The following LDLRAD3 variants were observed in gnomAD, a reference collection of about 807,000 sequenced individuals.
The protein encoded by LDLRAD3 is low density lipoprotein receptor class A domain containing 3, also known as low-density lipoprotein receptor class A domain-containing protein 3.
Under a neutral mutation model 29.4 loss-of-function variants are expected in LDLRAD3, and 20 were observed. The observed-to-expected ratio is 0.68, with a 90% CI of 0.48 to 0.99. The LOEUF (loss-of-function observed/expected upper bound fraction) is 0.99, where lower values mean the gene tolerates loss of function less well. LDLRAD3 is among the 50% of genes least tolerant of loss of function. The pLI, the probability that LDLRAD3 is intolerant of heterozygous loss-of-function variation, is 0.00. For synonymous variants in LDLRAD3, 157 were observed against 192.7 expected (o/e 0.81, Z 1.53); for missense variants, 420 against 454.3 (o/e 0.92, Z 0.69).
chr11:36,172,490 G>T (rs541260393), intron 4 of LDLRAD3, among the ~76,000 whole-genome samples: 47 of 151,934 alleles, frequency 3.1e-4, no homozygotes, highest in African/African-American at 1.1e-3. Flanking sequence ...TTACATTAAG[G>T]TATGTCCCTT....
chr11:36,160,653 A>G (rs1480306028), intron 4 of LDLRAD3, among the ~76,000 whole-genome samples: 1 of 151,900 alleles, frequency 6.6e-6, no homozygotes, highest in African/African-American at 2.4e-5. Context: ...GGTTCTTTTC[A>G]TAGGTATCGT....
At chr11:35,980,643 A>G (rs1209415272) in intron 1 of LDLRAD3, among the ~76,000 whole-genome samples, 4 of 151,850 alleles carry the variant, frequency 2.6e-5, no homozygotes, top group Non-Finnish European at 5.9e-5. Flanking sequence ...TTTTCTACTC[A>G]CTCCCTGCCC....
intron 4 of LDLRAD3, among the ~76,000 whole-genome samples, chr11:36,185,901 C>T (rs1231736405): frequency 6.6e-6 from 1 of 152,074 alleles, no homozygotes; most frequent in Non-Finnish European, 1.5e-5. Context: ...CCTTTGTGAC[C>T]CTAGCAATAC....
At chr11:36,051,310 AGCCAT>A (rs1033082267) in intron 2 of LDLRAD3, among the ~76,000 whole-genome samples, 2 of 152,178 alleles carry the variant, frequency 1.3e-5, no homozygotes, top group Non-Finnish European at 2.9e-5. Context: ...GGAAGGAAGT[AGCCAT>A]GTGCTTGGTG....
intron 1 of LDLRAD3, among the ~76,000 whole-genome samples, chr11:36,015,317 G>A (rs149481046): frequency 7.6e-5 from 4 of 52,322 alleles, no homozygotes; most frequent in Admixed American, 6.5e-4. Context: ...CCCCCCCCCC[G>A]CCCCCTGCCC....
chr11:35,971,340 A>C (rs573757334), intron 1 of LDLRAD3, among the ~76,000 whole-genome samples: 1 of 152,270 alleles, frequency 6.6e-6, no homozygotes, highest in Admixed American at 6.5e-5. Context: ...GCATCCCCAA[A>C]ACTCATATGT....
intron 4 of LDLRAD3, among the ~76,000 whole-genome samples, chr11:36,190,619 T>G (rs938641978): frequency 5.3e-5 from 8 of 152,020 alleles, no homozygotes; most frequent in African/African-American, 1.5e-4. Context: ...GAGATATATA[T>G]CCAAATCGTA....
At chr11:36,097,109 G>A (rs1191684585) in intron 3 of LDLRAD3, among the ~76,000 whole-genome samples, 3 of 152,174 alleles carry the variant, frequency 2.0e-5, no homozygotes, top group East Asian at 1.9e-4. Context: ...TTAAGGGGAC[G>A]GCCCAGATCT....
rs754022854 is a variant in LDLRAD3 at position 36,227,382 on chromosome 11, C to T, written c.752C>T (p.Ser251Leu). 15 of 1,609,548 alleles carry T rather than the reference C, an allele frequency of 9.3e-6. No individual in the cohort carries two copies. The East Asian group carries it at 1.1e-4, about 12-fold the overall frequency. The change falls in exon 5 of 6, where the codon TCG becomes TTG. Residue 251 changes from serine to leucine, a missense_variant. Coordinates refer to ENST00000315571, the MANE Select transcript of LDLRAD3 (RefSeq NM_174902.4). ...YVASQAEQNASEVGSPPSYSE... is the reference protein window; with the variant it reads ...YVASQAEQNALEVGSPPSYSE... ...GCCAGCCAGGCGGAGCAGAATGCGT[C>T]GGAAGTAGGCTCCCCACCCTCCTAC...
At chr11:36,193,614 A>G (rs1854988579) in intron 4 of LDLRAD3, among the ~76,000 whole-genome samples, 2 of 152,168 alleles carry the variant, frequency 1.3e-5, no homozygotes, top group African/African-American at 4.8e-5. Flanking sequence ...ATGTTGTCGC[A>G]TGCCCCTCCC....
At position 36,231,759 on chromosome 11, in the gene LDLRAD3, G is replaced by A. The variant is rs1425110871; in HGVS notation, c.*2362G>A. ...GCAGGGTTTTTTTGGGGGGGAGGGG[G>A]TTTGTTTTCCAACTCAAGATGGCAC... On this transcript the variant is annotated 3_prime_UTR_variant, in exon 6 of 6. Coordinates refer to ENST00000315571, the MANE Select transcript of LDLRAD3 (RefSeq NM_174902.4). The A allele has an allele frequency of 6.6e-6, 1 of 151,882 alleles. No individual in the cohort carries two copies. Among genetic ancestry groups the A allele is most frequent in the Non-Finnish European group, 1.5e-5 (1 of 67,974 alleles). 9.4% of individuals were successfully genotyped at this position (151,882 alleles called of 1,614,324 possible). A position where few individuals can be genotyped will look rare whatever the true frequency, so the allele number is the denominator to read the frequency against.
At chr11:36,109,348 G>A (rs966102081) in intron 4 of LDLRAD3, among the ~76,000 whole-genome samples, 4 of 151,956 alleles carry the variant, frequency 2.6e-5, no homozygotes, top group South Asian at 2.1e-4. Flanking sequence ...GGGAAGCCAC[G>A]GATAAGACAC....
At chr11:35,970,975 G>A (rs1851404459) in intron 1 of LDLRAD3, among the ~76,000 whole-genome samples, 1 of 152,152 alleles carries the variant, frequency 6.6e-6, no homozygotes, top group African/African-American at 2.4e-5. Context: ...AGCATGGGGT[G>A]GAGTATGCCA....
intron 4 of LDLRAD3, among the ~76,000 whole-genome samples, chr11:36,222,872 G>A (rs1212285994): frequency 6.6e-6 from 1 of 152,188 alleles, no homozygotes. Context: ...AGTCTTGATA[G>A]AACAGCAGTT....
At chr11:35,945,553 G>A (rs148736430) in intron 1 of LDLRAD3, among the ~76,000 whole-genome samples, 546 of 152,310 alleles carry the variant, frequency 3.6e-3, no homozygotes, top group Middle Eastern at 0.01. Flanking sequence ...CAGGACATTG[G>A]GCAGCCAGGA....
At chr11:36,065,331 T>G (rs564714928) in intron 2 of LDLRAD3, among the ~76,000 whole-genome samples, 5 of 152,356 alleles carry the variant, frequency 3.3e-5, no homozygotes, top group African/African-American at 1.2e-4. Context: ...TATAGCCACT[T>G]ATACTCTCCT....
At chr11:36,028,744 A>G (rs1161747386) in intron 1 of LDLRAD3, among the ~76,000 whole-genome samples, 2 of 152,204 alleles carry the variant, frequency 1.3e-5, no homozygotes, top group African/African-American at 4.8e-5. Context: ...TTTAATCAAT[A>G]AAAAATTTGT....
At chr11:36,178,949 C>T (rs539613947) in intron 4 of LDLRAD3, among the ~76,000 whole-genome samples, 39 of 152,320 alleles carry the variant, frequency 2.6e-4, no homozygotes, top group Middle Eastern at 3.4e-3. Context: ...AAAAGCATGC[C>T]TTGTTACCCA....
At chr11:36,130,741 C>A (rs544968643) in intron 4 of LDLRAD3, among the ~76,000 whole-genome samples, 2 of 152,298 alleles carry the variant, frequency 1.3e-5, no homozygotes, top group South Asian at 4.1e-4. Flanking sequence ...CTCACAGCAG[C>A]TGGTTGAGGA....
Sources: gnomAD v4.1 joint callset for allele counts (sites outside exome capture counted in the v4.1 genomes callset) on GRCh38, gnomAD v4.1.1 for gene constraint, MANE v1.5 for transcripts, NCBI Gene and HGNC (gene_info 2026-07-23, HGNC 2026-07-21) for gene names.